The following CD226 variants were observed in gnomAD, a reference collection of about 807,000 sequenced individuals.
CD226 encodes CD226 antigen.
CD226 carries 24 observed loss-of-function variants against 34.9 expected under a neutral mutation model. That is an observed-to-expected ratio of 0.69 (90% CI 0.50 to 0.97). The LOEUF is 0.97. Among genes scored for constraint, CD226 ranks in the 50% least tolerant of loss-of-function variants. The probability of loss-of-function intolerance (pLI) is 0.00; values close to 1 mark genes in which losing one functional copy is unlikely to be tolerated. For synonymous variants in CD226, 148 were observed against 147.4 expected, an observed-to-expected ratio of 1.00 and a Z score of -0.03; for missense variants, 397 against 412.7, an observed-to-expected ratio of 0.96 and a Z score of 0.33.
chr18:69,906,631 C>T lies in CD226; in HGVS notation c.383-10586G>A, dbSNP rs144891872. 8.3e-4 allele frequency among the ~76,000 whole-genome samples: 127 copies of T among 152,318 alleles called. 1 individual carries two copies. The East Asian group carries it at 0.019, about 22-fold the overall frequency. ...ATTTTGCCTAGCAAAATATTTCACG[C>T]TTTAACTGGCCGCAGGCAAGAAAGG... On this transcript the variant is annotated intron_variant, in intron 2 of 5. Coordinates refer to ENST00000582621, the MANE Select transcript of CD226 (RefSeq NM_001303618.2).
chr18:69,867,887 T>G (rs1983249797), intron 4 of CD226, among the ~76,000 whole-genome samples: 1 of 152,372 alleles, frequency 6.6e-6, no homozygotes, highest in Non-Finnish European at 1.5e-5. Context: ...TGTAGATTAT[T>G]TTATTAAGAT....
chr18:69,944,137 C>A (rs1024388528), intron 2 of CD226, among the ~76,000 whole-genome samples: 1 of 152,130 alleles, frequency 6.6e-6, no homozygotes, highest in African/African-American at 2.4e-5. Flanking sequence ...TTTAAACTCA[C>A]TATCATTCTT....
intron 1 of CD226, among the ~76,000 whole-genome samples, chr18:69,955,146 C>T (rs1166683692): frequency 1.3e-5 from 2 of 152,158 alleles, no homozygotes; most frequent in African/African-American, 4.8e-5. Context: ...CACTCTTCAG[C>T]CACACTGTTC....
intron 2 of CD226, among the ~76,000 whole-genome samples, chr18:69,900,551 T>G (rs2055163699): frequency 6.6e-6 from 1 of 151,300 alleles, no homozygotes; most frequent in Non-Finnish European, 1.5e-5. Flanking sequence ...GCTAACAAGG[T>G]GAAACCCCGT....
In CD226 at chr18:69,861,238, C is replaced by T. The variant is rs1159380971; in HGVS notation, c.*3076G>A. The T allele has an allele frequency of 2.0e-5, 3 of 151,684 alleles. No individual in the cohort carries two copies. Among genetic ancestry groups the T allele is most frequent in the Non-Finnish European group, 2.9e-5 (2 of 67,806 alleles). 9.4% of individuals were successfully genotyped at this position (151,684 alleles called of 1,614,324 possible). A position where few individuals can be genotyped will look rare whatever the true frequency, so the allele number is the denominator to read the frequency against. ...TAAAAATTATATCTTCACCTACCTGCCTCCCATTTTAAGCATGATTACAAG... is the reference window on the plus strand; with the variant it reads ...TAAAAATTATATCTTCACCTACCTGTCTCCCATTTTAAGCATGATTACAAG... On this transcript the variant is annotated 3_prime_UTR_variant, in exon 6 of 6. Coordinates refer to ENST00000582621, the MANE Select transcript of CD226 (RefSeq NM_001303618.2).
chr18:69,867,619 C>T (rs544496241), intron 4 of CD226, among the ~76,000 whole-genome samples: 1 of 152,222 alleles, frequency 6.6e-6, no homozygotes, highest in Non-Finnish European at 1.5e-5. Context: ...ATGGTGAGGG[C>T]AACTAAATGG....
rs201718764 is a variant in CD226, at chr18:69,873,175, T to C, written c.799A>G (p.Ile267Val). 6.8e-6 allele frequency: 11 copies of C among 1,607,578 alleles called. No homozygotes were observed. Among genetic ancestry groups the C allele is most frequent in the Non-Finnish European group, 9.4e-6 (11 of 1,174,222 alleles). The change falls in exon 4 of 6, where the codon ATT becomes GTT. Residue 267 changes from isoleucine (I) to valine (V), a missense_variant. Physicochemically the swap from Ile to Val is conservative, Grantham distance 29. Coordinates refer to ENST00000582621, the MANE Select transcript of CD226 (RefSeq NM_001303618.2). ...AGGAAAATGACAATGATGGTGGTAATTGAGATAACAAACAACAACAATAAA... is the reference window on the plus strand; with the variant it reads ...AGGAAAATGACAATGATGGTGGTAACTGAGATAACAAACAACAACAATAAA... ...TVLLLLFVIS[I>V]TTIIVIFLNR...
At chr18:69,879,684 A>C (rs1055520773) in intron 3 of CD226, among the ~76,000 whole-genome samples, 2 of 152,254 alleles carry the variant, frequency 1.3e-5, no homozygotes, top group Non-Finnish European at 2.9e-5. Context: ...CAGCTTACGA[A>C]GATGACGGGA....
chr18:69,934,279 T>TACATACACACACACAC (rs1555684029), intron 2 of CD226, among the ~76,000 whole-genome samples: 2,120 of 73,152 alleles, frequency 0.029, 68 homozygotes, highest in African/African-American at 0.053. Flanking sequence ...ACACAGAGGA[T>TACATACACACACACAC]ACACACACAC....
intron 2 of CD226, among the ~76,000 whole-genome samples, chr18:69,927,363 TAC>T (rs147765877): frequency 0.033 from 4,923 of 147,572 alleles, 144 homozygotes; most frequent in African/African-American, 0.079. Context: ...ACTAAGACAC[TAC>T]ACACACACAC....
chr18:69,922,435 C>T (rs2055463996), intron 2 of CD226, among the ~76,000 whole-genome samples: 1 of 152,178 alleles, frequency 6.6e-6, no homozygotes, highest in Admixed American at 6.5e-5. Flanking sequence ...ATGCATACCA[C>T]CACAACTGGA....
At chr18:69,936,712 C>T (rs1198632693) in intron 2 of CD226, among the ~76,000 whole-genome samples, 1 of 152,102 alleles carries the variant, frequency 6.6e-6, no homozygotes, top group Non-Finnish European at 1.5e-5. Flanking sequence ...GAAGAGAGAG[C>T]TTATGGCTTC....
At chr18:69,921,524 A>G (rs1231051549) in intron 2 of CD226, among the ~76,000 whole-genome samples, 1 of 152,028 alleles carries the variant, frequency 6.6e-6, no homozygotes, top group Non-Finnish European at 1.5e-5. Context: ...AGGGCACCAC[A>G]TCTTTTAACC....
chr18:69,864,166 T>C lies in CD226; in HGVS notation c.*148A>G. 1 of 655,554 alleles carries C rather than the reference T, an allele frequency of 1.5e-6. No homozygotes were observed. Among genetic ancestry groups the C allele is most frequent in the Non-Finnish European group, 2.6e-6 (1 of 389,986 alleles). The allele number at this position is 655,554 out of a possible 1,614,324, so 40.6% of individuals were successfully genotyped here. On this transcript the variant is annotated 3_prime_UTR_variant, in exon 6 of 6. Coordinates refer to ENST00000582621, the MANE Select transcript of CD226 (RefSeq NM_001303618.2). ...GAAACAGTTCTATGAAAAATGATTTTAGGTAATGAAGTATTTTTCCTATCA... is the reference window on the plus strand; with the variant it reads ...GAAACAGTTCTATGAAAAATGATTTCAGGTAATGAAGTATTTTTCCTATCA...
chr18:69,891,608 C>G (rs1984910721), intron 3 of CD226, among the ~76,000 whole-genome samples: 1 of 152,070 alleles, frequency 6.6e-6, no homozygotes, highest in Non-Finnish European at 1.5e-5. Flanking sequence ...ACAAAAAAAC[C>G]TGTTCAAACT....
Position 69,867,338 on chromosome 18 carries a change from C to T in CD226, c.885+19G>A, listed in dbSNP as rs747705199. 1.9e-6 allele frequency: 3 copies of T among 1,543,808 alleles called. No homozygotes were observed. Among genetic ancestry groups the T allele is most frequent in the Non-Finnish European group, 2.7e-6 (3 of 1,117,598 alleles). ...TGTAAATTACAAAAGAAAAAAATGA[C>T]AGTTCCGTATAAACTTACCTTCTGT... is the stretch of plus-strand genomic sequence containing the variant. On this transcript the variant is annotated intron_variant, in intron 5 of 5. Transcript: ENST00000582621.
intron 2 of CD226, among the ~76,000 whole-genome samples, chr18:69,900,985 G>A (rs1374821626): frequency 6.6e-6 from 1 of 152,136 alleles, no homozygotes; most frequent in Non-Finnish European, 1.5e-5. Flanking sequence ...TGCCATTTAT[G>A]TTTCCACAGT....
At chr18:69,901,908 C>G (rs940427264) in intron 2 of CD226, among the ~76,000 whole-genome samples, 1 of 151,266 alleles carries the variant, frequency 6.6e-6, no homozygotes, top group Admixed American at 6.6e-5. Flanking sequence ...TTTGTTAGTA[C>G]AAGATTTGAG....
At chr18:69,869,015 C>T (rs1192154815) in intron 4 of CD226, among the ~76,000 whole-genome samples, 1 of 152,096 alleles carries the variant, frequency 6.6e-6, no homozygotes, top group Admixed American at 6.5e-5. Context: ...TAGATGCTGG[C>T]AAGGTTGTGG....
Sources: gnomAD v4.1 joint callset for allele counts (sites outside exome capture counted in the v4.1 genomes callset) on GRCh38, gnomAD v4.1.1 for gene constraint, MANE v1.5 for transcripts, NCBI Gene and HGNC (gene_info 2026-07-23, HGNC 2026-07-21) for gene names.